The following SSUH2 variants were observed in gnomAD, a reference collection of about 807,000 sequenced individuals.
SSUH2 encodes protein SSUH2 homolog.
A neutral mutation model predicts 55.3 loss-of-function variants in SSUH2; 47 were observed. The observed-to-expected ratio is 0.85, with a 90% CI of 0.67 to 1.08. SSUH2 has a LOEUF of 1.08. SSUH2 is among the 50% of genes least tolerant of loss of function. The pLI is 0.00. For missense variants in SSUH2, 535 were observed against 490.7 expected (o/e 1.09, Z -0.85); for synonymous variants, 212 against 191.5 (o/e 1.11, Z -0.89).
intron 5 of SSUH2, among the ~76,000 whole-genome samples, chr3:8,668,756 A>C (rs1414299425): frequency 6.6e-6 from 1 of 152,190 alleles, no homozygotes; most frequent in African/African-American, 2.4e-5. Context: ...GGCAGCACTC[A>C]AGTTCAGGGA....
At chr3:8,681,808 G>A (rs573117487) in intron 1 of SSUH2, 33 of 154,336 alleles carry the variant, frequency 2.1e-4, no homozygotes, top group East Asian at 6.0e-4. Context: ...GGCACCCACC[G>A]CAGGGTGGGG....
At chr3:8,668,367 T>C (rs1333471672) in intron 5 of SSUH2, among the ~76,000 whole-genome samples, 1 of 152,258 alleles carries the variant, frequency 6.6e-6, no homozygotes, top group Non-Finnish European at 1.5e-5. Context: ...TATGGAGTTT[T>C]TCACTGCAAT....
At chr3:8,657,934 G>C (rs1004403205) in intron 7 of SSUH2, among the ~76,000 whole-genome samples, 1 of 152,274 alleles carries the variant, frequency 6.6e-6, no homozygotes, top group African/African-American at 2.4e-5. Context: ...GCATAGCCCT[G>C]CATGGGCAGG....
At chr3:8,668,181 A>C (rs1324372645) in intron 5 of SSUH2, among the ~76,000 whole-genome samples, 1 of 152,124 alleles carries the variant, frequency 6.6e-6, no homozygotes, top group East Asian at 1.9e-4. Flanking sequence ...CCACAAACAC[A>C]ACCACTGTGG....
upstream of SSUH2, among the ~76,000 whole-genome samples, chr3:8,646,799 A>G (rs1701730788): frequency 6.6e-6 from 1 of 152,162 alleles, no homozygotes; most frequent in African/African-American, 2.4e-5. Flanking sequence ...GCCTCTTACT[A>G]TCAAAGGAGG....
intron 7 of SSUH2, among the ~76,000 whole-genome samples, chr3:8,651,262 G>A (rs886098225): frequency 5.3e-5 from 8 of 152,138 alleles, no homozygotes; most frequent in East Asian, 1.9e-4. Context: ...TAAATGCTTC[G>A]GGATCCAGCC....
At chr3:8,642,325 TAGAAA>T (rs1452088248) in intron 1 of SSUH2, among the ~76,000 whole-genome samples, 1 of 152,198 alleles carries the variant, frequency 6.6e-6, no homozygotes. Flanking sequence ...CTGGTTAGGC[TAGAAA>T]AGAAAAGACT....
intron 5 of SSUH2, among the ~76,000 whole-genome samples, chr3:8,668,244 G>A (rs897809850): frequency 2.0e-5 from 3 of 152,178 alleles, no homozygotes; most frequent in Non-Finnish European, 2.9e-5. Context: ...ATGAACCTGA[G>A]TATTCTAAGA....
intron 6 of SSUH2, among the ~76,000 whole-genome samples, chr3:8,662,473 G>A (rs948614703): frequency 2.0e-5 from 3 of 152,210 alleles, no homozygotes; most frequent in Non-Finnish European, 4.4e-5. Flanking sequence ...CATAATGACA[G>A]GAACTAGCTC....
chr3:8,636,102 T>C (rs929867299), intron 1 of SSUH2, among the ~76,000 whole-genome samples: 6 of 152,208 alleles, frequency 3.9e-5, no homozygotes, highest in Admixed American at 1.3e-4. Flanking sequence ...TCCGTGAATA[T>C]GCATTATTGC....
At chr3:8,630,264 A>G (rs1698489962) in intron 6 of SSUH2, among the ~76,000 whole-genome samples, 1 of 152,202 alleles carries the variant, frequency 6.6e-6, no homozygotes, top group Non-Finnish European at 1.5e-5. Context: ...AATCCAGTCC[A>G]AAAGTGTAAA....
upstream of SSUH2, among the ~76,000 whole-genome samples, chr3:8,646,530 G>C (rs764267045): frequency 1.3e-5 from 2 of 152,212 alleles, no homozygotes; most frequent in Non-Finnish European, 2.9e-5. Context: ...AGAAATGACA[G>C]TCCTTTTCTG....
At chr3:8,640,962 A>C (rs1266264125) in intron 1 of SSUH2, among the ~76,000 whole-genome samples, 4 of 152,238 alleles carry the variant, frequency 2.6e-5, no homozygotes, top group Non-Finnish European at 5.9e-5. Flanking sequence ...TCATGCCAAG[A>C]CAGGGCCACA....
rs114394847 is a variant in SSUH2 at position 8,670,677 on chromosome 3, A to G, written c.-455+321T>C. ...TAATGAATCATATCAGAGGGTGTAC[A>G]TGCATTGTGACCTTCCTAGTAACAT... On this transcript the variant is annotated intron_variant, in intron 5 of 18. Coordinates refer to the SSUH2 transcript ENST00000317371. 5.5e-3 allele frequency among the ~76,000 whole-genome samples: 840 copies of G among 151,904 alleles called. 4 individuals carry two copies. Among genetic ancestry groups the G allele is most frequent in the African/African-American group, 0.019 (778 of 41,402 alleles).
At chr3:8,677,962 TATC>T (rs1382592254) in intron 2 of SSUH2, among the ~76,000 whole-genome samples, 2 of 149,322 alleles carry the variant, frequency 1.3e-5, no homozygotes, top group African/African-American at 2.5e-5. Context: ...CTGGGAGTAA[TATC>T]ATCCTCTTCC....
rs770947063 is a variant in SSUH2 at position 8,632,076 on chromosome 3, T to C, written c.373A>G (p.Ser125Gly). Residue 125 changes from serine (S) to glycine (G), a missense_variant, in exon 5 of 12, where the codon AGC (serine) becomes GGC (glycine). Physicochemically the swap from Ser to Gly is moderately conservative, Grantham distance 56. Coordinates refer to ENST00000544814, the MANE Select transcript of SSUH2 (RefSeq NM_001256748.3). ...GTAAAGGGTTGAAATGTCCACTCGCTTATCCTGGATTCACTAAAGGTCTCC... is the reference window on the plus strand; with the variant it reads ...GTAAAGGGTTGAAATGTCCACTCGCCTATCCTGGATTCACTAAAGGTCTCC... ...RLETFSESRISEWTFQPFTNH... is the reference protein window; with the variant it reads ...RLETFSESRIGEWTFQPFTNH... 5.6e-6 allele frequency: 9 copies of C among 1,614,056 alleles called. No individual in the cohort carries two copies. The highest frequency in any genetic ancestry group is 1.1e-5 in the South Asian group (1 of 91,070).
At chr3:8,663,128 A>T (rs1455272599) in intron 6 of SSUH2, among the ~76,000 whole-genome samples, 4 of 152,134 alleles carry the variant, frequency 2.6e-5, no homozygotes, top group Non-Finnish European at 5.9e-5. Context: ...GCCTGCTCCC[A>T]TTTGATCTCC....
At chr3:8,620,553 C>G (rs1342553151) in intron 11 of SSUH2, among the ~76,000 whole-genome samples, 1 of 152,218 alleles carries the variant, frequency 6.6e-6, no homozygotes, top group Non-Finnish European at 1.5e-5. Flanking sequence ...CTAGATGTAT[C>G]TCCTACTGTG....
chr3:8,676,776 T>C (rs1440098226), intron 3 of SSUH2, among the ~76,000 whole-genome samples: 2 of 147,766 alleles, frequency 1.4e-5, no homozygotes, highest in Non-Finnish European at 1.5e-5. Flanking sequence ...TCTCAGGACC[T>C]CATCGCAGTG....
Sources: allele counts gnomAD v4.1 joint callset (sites outside exome capture counted in the v4.1 genomes callset), GRCh38; gene constraint gnomAD v4.1.1; transcripts MANE v1.5; gene names NCBI Gene and HGNC (gene_info 2026-07-23, HGNC 2026-07-21).